CNTN5: variants seen among roughly 807,000 people sequenced by gnomAD.
The protein encoded by CNTN5 is contactin-5.
In CNTN5, 77 loss-of-function variants were observed where a neutral mutation model predicts 129.1. The ratio of observed to expected loss-of-function variants is 0.60; its 90% CI spans 0.50 to 0.72. The LOEUF (loss-of-function observed/expected upper bound fraction) is 0.72. Among genes scored for constraint, CNTN5 ranks in the 30% least tolerant of loss-of-function variants. The pLI, the probability that CNTN5 is intolerant of heterozygous loss-of-function variation, is 0.00. For missense variants in CNTN5, 1,478 were observed against 1,328.8 expected (o/e 1.11, Z -1.75); for synonymous variants, 509 against 465.6 (o/e 1.09, Z -1.20).
In CNTN5 at chr11:99,890,575, G is replaced by A. The variant is rs79672805; in HGVS notation, c.578-25479G>A. ...ATGATTGAAATAGACATGTGTGTGT[G>A]TATATATACATATATGATTGAAAGA... On this transcript the variant is annotated intron_variant, in intron 6 of 24. Coordinates refer to ENST00000524871, the MANE Select transcript of CNTN5 (RefSeq NM_014361.4). 6.8e-5 allele frequency among the ~76,000 whole-genome samples: 10 copies of A among 147,090 alleles called. No individual in the cohort carries two copies. The East Asian group carries it at 1.7e-3, about 25-fold the overall frequency.
intron 4 of CNTN5, among the ~76,000 whole-genome samples, chr11:99,838,386 A>G (rs1947371810): frequency 6.6e-6 from 1 of 152,098 alleles, no homozygotes; most frequent in Non-Finnish European, 1.5e-5. Flanking sequence ...TCTATCTCTT[A>G]TTTTTTGTTT....
chr11:99,697,817 T>G (rs77208667), intron 3 of CNTN5, among the ~76,000 whole-genome samples: 4,788 of 151,712 alleles, frequency 0.032, 169 homozygotes, highest in East Asian at 0.19. Flanking sequence ...AATCTAAACC[T>G]ATTGTTAAAA....
intron 8 of CNTN5, among the ~76,000 whole-genome samples, chr11:99,981,094 A>ATACATATATATATATATATATATATATG (rs1565750319): frequency 1.2e-5 from 1 of 81,248 alleles, no homozygotes; most frequent in Non-Finnish European, 2.4e-5. Context: ...ATATATATAT[A>ATACATATATATATATATATATATATATG]TATATATATA....
intron 6 of CNTN5, among the ~76,000 whole-genome samples, chr11:99,907,275 ATAAATTTGATTTTTAACAT>A (rs1949534617): frequency 6.6e-6 from 1 of 151,824 alleles, no homozygotes; most frequent in South Asian, 2.1e-4. Context: ...ATTGATAGAA[ATAAATTTGATTTTTAACAT>A]TAGGCAGAGT....
chr11:99,356,965 A>G (rs540319549), intron 2 of CNTN5, among the ~76,000 whole-genome samples: 1 of 152,326 alleles, frequency 6.6e-6, no homozygotes, highest in African/African-American at 2.4e-5. Context: ...ACCAAGTGTC[A>G]TGATTGTCAA....
intron 3 of CNTN5, among the ~76,000 whole-genome samples, chr11:99,793,941 G>C (rs1182100098): frequency 6.6e-6 from 1 of 152,164 alleles, no homozygotes; most frequent in Non-Finnish European, 1.5e-5. Context: ...ATTAACTCAA[G>C]TGTTGAGTTC....
At chr11:99,819,301 T>C (rs1946695338) in intron 3 of CNTN5, among the ~76,000 whole-genome samples, 1 of 59,850 alleles carries the variant, frequency 1.7e-5, no homozygotes, top group Non-Finnish European at 3.3e-5. Flanking sequence ...TCTCCTCCCC[T>C]TCCCTCCCCT....
intron 3 of CNTN5, among the ~76,000 whole-genome samples, chr11:99,600,681 G>A (rs1950285484): frequency 6.6e-6 from 1 of 152,154 alleles, no homozygotes. Context: ...ATGGGTAGAA[G>A]CCAGTTTTTT....
intron 6 of CNTN5, among the ~76,000 whole-genome samples, chr11:99,845,499 A>G (rs1026493624): frequency 6.9e-6 from 1 of 145,626 alleles, no homozygotes; most frequent in African/African-American, 2.5e-5. Flanking sequence ...CAGCCTCCCA[A>G]GTAGCTGGGA....
At chr11:99,145,705 G>A (rs922070292) in intron 1 of CNTN5, among the ~76,000 whole-genome samples, 1 of 151,900 alleles carries the variant, frequency 6.6e-6, no homozygotes, top group African/African-American at 2.4e-5. Context: ...AGCTCAAACG[G>A]CAAGTATTAC....
chr11:100,239,807 T>G (rs1372963711), intron 16 of CNTN5, among the ~76,000 whole-genome samples: 5 of 152,210 alleles, frequency 3.3e-5, no homozygotes, highest in Non-Finnish European at 5.9e-5. Flanking sequence ...CATAGGGTAA[T>G]TATACTGAAG....
rs544699946 is a variant in CNTN5, at chr11:99,148,325, T to C, written c.-210+127055T>C. On this transcript the variant is annotated intron_variant, in intron 1 of 24. Transcript: ENST00000524871. ...CCTCAGTTTTTTTACAGCTTTGATA[T>C]TGATAAAATAAAAACTTTAGTTAGC... Among the ~76,000 whole-genome samples the C allele has an allele frequency of 1.3e-3, 196 of 152,194 alleles. 4 individuals carry two copies. The highest frequency in any genetic ancestry group is 6.8e-3 in the Middle Eastern group (2 of 294).
intron 3 of CNTN5, among the ~76,000 whole-genome samples, chr11:99,597,163 T>C (rs1260345559): frequency 6.6e-6 from 1 of 152,186 alleles, no homozygotes; most frequent in Admixed American, 6.5e-5. Flanking sequence ...ACCAATCATA[T>C]GATTCATTTG....
intron 2 of CNTN5, among the ~76,000 whole-genome samples, chr11:99,497,129 C>T (rs1288966064): frequency 6.6e-6 from 1 of 151,996 alleles, no homozygotes; most frequent in Admixed American, 6.6e-5. Context: ...TGAAAGCATT[C>T]TAAAAAAGAA....
chr11:99,329,938 C>T (rs1157299653), intron 2 of CNTN5, among the ~76,000 whole-genome samples: 3 of 151,332 alleles, frequency 2.0e-5, no homozygotes, highest in African/African-American at 7.3e-5. Flanking sequence ...CACACACACA[C>T]ACACACACAC....
chr11:99,746,050 C>A (rs1053211105), intron 3 of CNTN5, among the ~76,000 whole-genome samples: 1 of 152,152 alleles, frequency 6.6e-6, no homozygotes, highest in African/African-American at 2.4e-5. Flanking sequence ...CTTTTAAGAT[C>A]AGATGTGACC....
At chr11:99,639,925 CT>C (rs1301002655) in intron 3 of CNTN5, among the ~76,000 whole-genome samples, 1 of 152,114 alleles carries the variant, frequency 6.6e-6, no homozygotes, top group Non-Finnish European at 1.5e-5. Flanking sequence ...CCTAAATCAT[CT>C]CTCTCAAGTT....
At chr11:99,265,354 T>C (rs924175344) in intron 1 of CNTN5, among the ~76,000 whole-genome samples, 8 of 152,054 alleles carry the variant, frequency 5.3e-5, no homozygotes, top group African/African-American at 1.9e-4. Context: ...ATTGTTATCA[T>C]TGCTTTTGCC....
chr11:99,956,711 T>C, intron 7 of CNTN5, 95 bp from the exon 8 acceptor site: 3 of 811,342 alleles, frequency 3.7e-6, no homozygotes, highest in Non-Finnish European at 6.1e-6. Flanking sequence ...GACCTTGCAA[T>C]ATATCTAATG....
Sources: allele counts gnomAD v4.1 joint callset (sites outside exome capture counted in the v4.1 genomes callset), GRCh38; gene constraint gnomAD v4.1.1; transcripts MANE v1.5; gene names NCBI Gene and HGNC (gene_info 2026-07-23, HGNC 2026-07-21).